The following LIPA variants were observed in gnomAD, a reference collection of about 807,000 sequenced individuals.
The protein encoded by LIPA is lysosomal acid lipase/cholesteryl ester hydrolase.
Under a neutral mutation model 40.6 loss-of-function variants are expected in LIPA, and 26 were observed. The ratio of observed to expected loss-of-function variants is 0.64; its 90% CI spans 0.47 to 0.89. The LOEUF is 0.89. Among genes scored for constraint, LIPA ranks in the 40% least tolerant of loss-of-function variants. The pLI, the probability that LIPA is intolerant of heterozygous loss-of-function variation, is 0.00. For missense variants in LIPA, 455 were observed against 479.6 expected, an observed-to-expected ratio of 0.95 and a Z score of 0.48; for synonymous variants, 188 against 168.4, an observed-to-expected ratio of 1.12 and a Z score of -0.90.
intron 3 of LIPA, among the ~76,000 whole-genome samples, chr10:89,229,488 T>A (rs1842813723): frequency 6.6e-6 from 1 of 152,194 alleles, no homozygotes; most frequent in Non-Finnish European, 1.5e-5. Context: ...TGGTGGTTCA[T>A]GCCTGCAATC....
At chr10:89,242,180 G>A (rs558642997) in intron 3 of LIPA, among the ~76,000 whole-genome samples, 33 of 152,328 alleles carry the variant, frequency 2.2e-4, no homozygotes, top group African/African-American at 7.9e-4. Context: ...CCTATGAAGT[G>A]TAATTTCTGA....
intron 1 of LIPA, among the ~76,000 whole-genome samples, chr10:89,285,799 G>C (rs1304457671): frequency 6.7e-6 from 1 of 149,832 alleles, no homozygotes; most frequent in African/African-American, 2.5e-5. Flanking sequence ...CACTTCCCTG[G>C]GGGACAAACA....
intron 1 of LIPA, among the ~76,000 whole-genome samples, chr10:89,289,131 TC>T (rs1843357930): frequency 7.0e-6 from 1 of 143,066 alleles, no homozygotes; most frequent in African/African-American, 2.7e-5. Context: ...TCCCACCTAC[TC>T]TCCCACTGAA....
At chr10:89,227,089 T>C in intron 4 of LIPA, 85 bp from the exon 5 acceptor site, 1 of 882,050 alleles carries the variant, frequency 1.1e-6, no homozygotes, top group Non-Finnish European at 1.9e-6. Flanking sequence ...TGATGAGTTA[T>C]CACAAACTAA....
intron 2 of LIPA, among the ~76,000 whole-genome samples, chr10:89,356,949 T>C (rs627127): frequency 0.37 from 56,925 of 151,944 alleles, 12,662 homozygotes; most frequent in East Asian, 0.61. Flanking sequence ...ACTTTCTAGC[T>C]CTTCTTCCCT....
At chr10:89,389,489 T>C (rs1364126181) in intron 2 of LIPA, among the ~76,000 whole-genome samples, 3 of 152,176 alleles carry the variant, frequency 2.0e-5, no homozygotes, top group Admixed American at 2.0e-4. Context: ...TAACAAGAAA[T>C]CAGCTTTTCA....
At chr10:89,372,078 C>T (rs1156626861) in intron 2 of LIPA, among the ~76,000 whole-genome samples, 2 of 152,176 alleles carry the variant, frequency 1.3e-5, no homozygotes, top group Non-Finnish European at 2.9e-5. Flanking sequence ...GGAGGAAGCC[C>T]CTCATAGAGG....
rs117574009 is a variant in LIPA, at chr10:89,371,290, T to C, written c.61+41501A>G. On this transcript the variant is annotated intron_variant, in intron 2 of 8. Transcript: ENST00000371837. Reference sequence around the variant, plus strand: ...ATGCATATGGCTTAAGACATATGGGTTAACAAGGCTAAGCTTGTGGCCTGC... The same window carrying C: ...ATGCATATGGCTTAAGACATATGGGCTAACAAGGCTAAGCTTGTGGCCTGC... Among the ~76,000 whole-genome samples the C allele has an allele frequency of 1.6e-3, 240 of 152,344 alleles. 1 individual carries two copies. Among genetic ancestry groups the C allele is most frequent in the Non-Finnish European group, 2.9e-3 (194 of 68,030 alleles).
intron 2 of LIPA, among the ~76,000 whole-genome samples, chr10:89,351,444 A>G (rs1008478481): frequency 6.6e-6 from 1 of 152,216 alleles, no homozygotes; most frequent in Non-Finnish European, 1.5e-5. Flanking sequence ...CCCAAAAAGT[A>G]TCCATGACGA....
chr10:89,380,900 G>T (rs374587352), intron 2 of LIPA, among the ~76,000 whole-genome samples: 3 of 152,330 alleles, frequency 2.0e-5, no homozygotes, highest in African/African-American at 2.4e-5. Flanking sequence ...GAAGATACAT[G>T]TTGATGAACA....
intron 5 of LIPA, among the ~76,000 whole-genome samples, chr10:89,225,868 G>A (rs1842763056): frequency 6.6e-6 from 1 of 152,078 alleles, no homozygotes; most frequent in Admixed American, 6.6e-5. Flanking sequence ...GGTTTTATAA[G>A]GGGAAACTCC....
intron 2 of LIPA, among the ~76,000 whole-genome samples, chr10:89,348,815 C>T (rs1022609444): frequency 6.6e-6 from 1 of 152,150 alleles, no homozygotes; most frequent in African/African-American, 2.4e-5. Context: ...GCGTGGGGGT[C>T]CTGGCAGGCC....
At chr10:89,383,826 C>T (rs758308539) in intron 2 of LIPA, 12 of 1,614,152 alleles carry the variant, frequency 7.4e-6, no homozygotes, top group African/African-American at 1.3e-5. Context: ...TGGAAGGGAA[C>T]CCTGAAAACC....
chr10:89,407,321 G>C (rs539476125), intron 2 of LIPA, among the ~76,000 whole-genome samples: 1 of 152,158 alleles, frequency 6.6e-6, no homozygotes, highest in Non-Finnish European at 1.5e-5. Flanking sequence ...TCCGAGGCTA[G>C]TCCCGCTTCT....
intron 1 of LIPA, among the ~76,000 whole-genome samples, chr10:89,332,990 C>G (rs1816541811): frequency 6.6e-6 from 1 of 152,170 alleles, no homozygotes; most frequent in Non-Finnish European, 1.5e-5. Flanking sequence ...AAGCCTAAGT[C>G]AGAGGTTTGT....
chr10:89,389,684 CATATT>C (rs1844231957), intron 2 of LIPA, among the ~76,000 whole-genome samples: 1 of 152,110 alleles, frequency 6.6e-6, no homozygotes, highest in Non-Finnish European at 1.5e-5. Context: ...TCCATATTAT[CATATT>C]ATAATTTTTA....
rs199589812 is a variant in LIPA at position 89,362,845 on chromosome 10, G to C, written c.61+49946C>G. The C allele has an allele frequency of 1.1e-5, 4 of 348,036 alleles. No homozygotes were observed. The East Asian group carries it at 1.9e-4, about 17-fold the overall frequency. 21.6% of individuals were successfully genotyped at this position (348,036 alleles called of 1,614,324 possible). A position where few individuals can be genotyped will look rare whatever the true frequency, so the allele number is the denominator to read the frequency against. On this transcript the variant is annotated intron_variant, in intron 2 of 8. Transcript: ENST00000371837. ...CCTGAAAATCCTGAATTCAGCACTG[G>C]GTATGTCATCACTGCCTATTGCCTG...
chr10:89,300,787 G>C (rs1479331179), intron 1 of LIPA, among the ~76,000 whole-genome samples: 2 of 152,158 alleles, frequency 1.3e-5, no homozygotes, highest in Non-Finnish European at 2.9e-5. Flanking sequence ...AGGAGTTCGA[G>C]ACCAGCCTGG....
chr10:89,300,671 A>G (rs1389019183), intron 1 of LIPA, among the ~76,000 whole-genome samples: 1 of 152,194 alleles, frequency 6.6e-6, no homozygotes, highest in Non-Finnish European at 1.5e-5. Context: ...GAGGAGATAA[A>G]GTTCTGGAAA....
Sources: gnomAD v4.1 joint callset for allele counts (sites outside exome capture counted in the v4.1 genomes callset) on GRCh38, gnomAD v4.1.1 for gene constraint, MANE v1.5 for transcripts, NCBI Gene and HGNC (gene_info 2026-07-23, HGNC 2026-07-21) for gene names.